The following KALRN variants were observed in gnomAD, a reference collection of about 807,000 sequenced individuals.
KALRN encodes the protein kalirin.
In KALRN, 70 loss-of-function variants were observed where a neutral mutation model predicts 353.7. The observed-to-expected ratio is 0.20, with a 90% CI of 0.16 to 0.24. KALRN has a LOEUF of 0.24. Among genes scored for constraint, KALRN ranks in the 10% least tolerant of loss-of-function variants. KALRN has a pLI of 1.00. For synonymous variants in KALRN, 1,391 were observed against 1,434.8 expected (o/e 0.97, Z 0.69); for missense variants, 2,791 against 3,756.7 (o/e 0.74, Z 6.72).
chr3:124,334,635 A>G lies in KALRN; in HGVS notation c.1647+140A>G, dbSNP rs1025838958. The G allele has an allele frequency of 7.9e-6, 5 of 631,574 alleles. No homozygotes were observed. The highest frequency in any genetic ancestry group is 1.1e-5 in the Non-Finnish European group (4 of 354,952). The allele number at this position is 631,574 out of a possible 1,614,324, so 39.1% of individuals were successfully genotyped here. ...GAAATTCAGCTCTCAACTGCTCCAC[A>G]GAACCCTACCAAAACACAGAACAAA... On this transcript the variant is annotated intron_variant, in intron 9 of 59. Transcript: ENST00000682506. The surrounding 1 kb of genome is among the most constrained non-coding windows in gnomAD (Gnocchi z 4.2).
At chr3:124,443,628 G>A (rs2093738217) in intron 19 of KALRN, among the ~76,000 whole-genome samples, 1 of 152,184 alleles carries the variant, frequency 6.6e-6, no homozygotes, top group African/African-American at 2.4e-5. Context: ...GGGAGCTTGG[G>A]TGAGGCCAGC....
In KALRN at chr3:124,443,348, G is replaced by A. The variant is rs185938844; in HGVS notation, c.3313+1289G>A. Among the ~76,000 whole-genome samples, 238 of 152,340 alleles carry A rather than the reference G, an allele frequency of 1.6e-3. 1 individual carries two copies. The highest frequency in any genetic ancestry group is 5.5e-3 in the African/African-American group (227 of 41,586). On this transcript the variant is annotated intron_variant, in intron 19 of 59. Transcript: ENST00000682506. ...AACCCAAGCCGACTTGGAGTGAGGA[G>A]TGGGGTATGGGCTTGGAGACACCAT...
chr3:124,473,623 T>TATAGCC (rs1389891102), intron 25 of KALRN, among the ~76,000 whole-genome samples: 3 of 152,246 alleles, frequency 2.0e-5, no homozygotes, highest in Non-Finnish European at 4.4e-5. Flanking sequence ...CTGCATAGTA[T>TATAGCC]ATAGCTCTGT....
chr3:124,255,406 T>G (rs1234852512), intron 3 of KALRN, among the ~76,000 whole-genome samples: 1 of 152,248 alleles, frequency 6.6e-6, no homozygotes, highest in Non-Finnish European at 1.5e-5. Context: ...AGAATGAAAC[T>G]TTCATGTTTC....
chr3:124,568,460 T>A (rs554321179), intron 34 of KALRN, among the ~76,000 whole-genome samples: 3 of 152,182 alleles, frequency 2.0e-5, no homozygotes, highest in African/African-American at 7.2e-5. Context: ...CTCAAAAAAG[T>A]AAAAATAAGA....
intron 1 of KALRN, among the ~76,000 whole-genome samples, chr3:124,069,638 G>A (rs534507300): frequency 6.6e-6 from 1 of 152,300 alleles, no homozygotes; most frequent in African/African-American, 2.4e-5. Flanking sequence ...GTGCAATGGG[G>A]AACCATTGAG....
chr3:124,227,683 T>TTTTTTG (rs2078704766), intron 1 of KALRN, among the ~76,000 whole-genome samples: 5 of 114,864 alleles, frequency 4.4e-5, no homozygotes. Flanking sequence ...TTTTTTTTTT[T>TTTTTTG]TTTTTTTTTT....
intron 1 of KALRN, among the ~76,000 whole-genome samples, chr3:124,119,314 A>G (rs1342574419): frequency 2.6e-5 from 4 of 152,224 alleles, no homozygotes; most frequent in Non-Finnish European, 5.9e-5. Flanking sequence ...ATGTCTTCAC[A>G]TCTGTGAGGG....
chr3:124,671,557 A>T, intron 47 of KALRN, 103 bp from the exon 48 acceptor site: 2 of 745,622 alleles, frequency 2.7e-6, no homozygotes, highest in Non-Finnish European at 4.7e-6. Context: ...TGTTTTTCTC[A>T]CTTATCCACA....
chr3:124,490,627 G>C, intron 29 of KALRN, 67 bp from the exon 30 acceptor site: 5 of 1,449,952 alleles, frequency 3.4e-6, no homozygotes, highest in Non-Finnish European at 4.7e-6. Flanking sequence ...CCAAGAGGGG[G>C]GTGGAACATG....
intron 5 of KALRN, among the ~76,000 whole-genome samples, chr3:124,293,551 A>T (rs374858702): frequency 1.3e-5 from 2 of 152,082 alleles, no homozygotes; most frequent in African/African-American, 4.8e-5. Context: ...TAAGAACTAG[A>T]TTTGTATATT....
chr3:124,160,898 A>G (rs1359769103), intron 1 of KALRN, among the ~76,000 whole-genome samples: 2 of 151,972 alleles, frequency 1.3e-5, no homozygotes. Flanking sequence ...AAAATGCTGT[A>G]TAATATTGTA....
intron 1 of KALRN, among the ~76,000 whole-genome samples, chr3:124,179,260 T>A (rs1186512542): frequency 2.0e-5 from 3 of 152,242 alleles, no homozygotes; most frequent in Non-Finnish European, 2.9e-5. Flanking sequence ...GTAAGCTTTT[T>A]TCTTTAAAAA....
intron 34 of KALRN, among the ~76,000 whole-genome samples, chr3:124,566,924 G>C (rs979693717): frequency 4.6e-5 from 7 of 152,214 alleles, no homozygotes; most frequent in African/African-American, 1.7e-4. Flanking sequence ...AGAGCACCAA[G>C]TCAGCACTCT....
chr3:124,360,392 A>C (rs2083898501), intron 10 of KALRN, among the ~76,000 whole-genome samples: 1 of 152,312 alleles, frequency 6.6e-6, no homozygotes, highest in South Asian at 2.1e-4. Context: ...GGGGCCCCAG[A>C]AAAGGGAGAA....
chr3:124,320,246 A>G (rs550778319), intron 6 of KALRN, among the ~76,000 whole-genome samples: 1 of 152,296 alleles, frequency 6.6e-6, no homozygotes, highest in East Asian at 1.9e-4. Context: ...TGTCGAGAGG[A>G]CAGGGCCCCT....
chr3:124,389,881 A>G (rs1041063081), intron 11 of KALRN, among the ~76,000 whole-genome samples: 2 of 152,214 alleles, frequency 1.3e-5, no homozygotes, highest in African/African-American at 4.8e-5. Context: ...TTTTAAATTC[A>G]TAATCAGGAA....
intron 34 of KALRN, among the ~76,000 whole-genome samples, chr3:124,567,045 G>A (rs1501189): frequency 0.22 from 33,293 of 152,116 alleles, 4,162 homozygotes; most frequent in East Asian, 0.33. Flanking sequence ...GATGGTTCTT[G>A]ATGATCCACT....
chr3:124,624,456 G>C (rs984023127), intron 34 of KALRN, among the ~76,000 whole-genome samples: 1 of 152,186 alleles, frequency 6.6e-6, no homozygotes, highest in African/African-American at 2.4e-5. Flanking sequence ...TGTAGTTTCA[G>C]GCATCCACTG....
Sources: gnomAD v4.1 joint callset for allele counts (sites outside exome capture counted in the v4.1 genomes callset) on GRCh38, gnomAD v4.1.1 for gene constraint, Gnocchi (gnomAD v3.1) non-coding constraint, MANE v1.5 for transcripts, NCBI Gene and HGNC (gene_info 2026-07-23, HGNC 2026-07-21) for gene names.